The following NPNT variants were observed in gnomAD, a reference collection of about 807,000 sequenced individuals.
The protein encoded by NPNT is preosteoblast EGF-like repeat protein with MAM domain.
A neutral mutation model predicts 68.6 loss-of-function variants in NPNT; 45 were observed. That is an observed-to-expected ratio of 0.66 (90% CI 0.52 to 0.84). The LOEUF (loss-of-function observed/expected upper bound fraction) is 0.84, where lower values mean the gene tolerates loss of function less well. Ranked by LOEUF, NPNT falls within the 40% of genes least tolerant of loss-of-function variation. The pLI, the probability that NPNT is intolerant of heterozygous loss-of-function variation, is 0.00. For missense variants in NPNT, 672 were observed against 714.8 expected, an observed-to-expected ratio of 0.94 and a Z score of 0.68; for synonymous variants, 233 against 253.3, an observed-to-expected ratio of 0.92 and a Z score of 0.76.
rs558649860 is a variant in NPNT at position 105,896,213 on chromosome 4, C to G, written c.71+490C>G. Among the ~76,000 whole-genome samples, 4 of 152,086 alleles carry G rather than the reference C, an allele frequency of 2.6e-5. No individual in the cohort carries two copies. The South Asian group carries it at 8.3e-4, about 32-fold the overall frequency. ...TGGGTGCGAGTCAGCGACTGGGCTA[C>G]GGGGGAGATTTGTGGGCCTCTCCAT... On this transcript the variant is annotated intron_variant, in intron 1 of 11. Transcript: ENST00000379987.
At chr4:105,918,406 G>A (rs1412293472) in intron 2 of NPNT, among the ~76,000 whole-genome samples, 2 of 152,116 alleles carry the variant, frequency 1.3e-5, no homozygotes, top group Non-Finnish European at 1.5e-5. Context: ...CAAAATTACA[G>A]TATCAGATGT....
At chr4:105,899,763 G>A (rs1431942033) in intron 2 of NPNT, among the ~76,000 whole-genome samples, 1 of 152,214 alleles carries the variant, frequency 6.6e-6, no homozygotes, top group Non-Finnish European at 1.5e-5. Flanking sequence ...TGGTGAGGTT[G>A]TAAAAATTAG....
At chr4:105,952,670 C>A (rs1730924576) in intron 8 of NPNT, among the ~76,000 whole-genome samples, 1 of 152,196 alleles carries the variant, frequency 6.6e-6, no homozygotes, top group South Asian at 2.1e-4. Context: ...TTAGTTCAGA[C>A]CCTATTTTAA....
At chr4:105,960,380 C>T (rs1731626373) in intron 10 of NPNT, among the ~76,000 whole-genome samples, 1 of 152,154 alleles carries the variant, frequency 6.6e-6, no homozygotes, top group Non-Finnish European at 1.5e-5. Flanking sequence ...CAGCTGAGGG[C>T]CTCATTAAAA....
chr4:105,935,006 A>C (rs1258414134), intron 3 of NPNT, among the ~76,000 whole-genome samples: 1 of 152,210 alleles, frequency 6.6e-6, no homozygotes, highest in African/African-American at 2.4e-5. Context: ...CTTCAGGTTT[A>C]GTTCAGGGAC....
chr4:105,899,456 C>T (rs1413822664), intron 2 of NPNT, among the ~76,000 whole-genome samples: 2 of 152,096 alleles, frequency 1.3e-5, no homozygotes, highest in East Asian at 3.9e-4. Flanking sequence ...GATCATCTTC[C>T]CTTAAAACAA....
chr4:105,962,837 G>A (rs1315002607), intron 10 of NPNT, among the ~76,000 whole-genome samples: 2 of 151,504 alleles, frequency 1.3e-5, no homozygotes, highest in Admixed American at 6.6e-5. Flanking sequence ...AGGAAATTCA[G>A]GTGGATGGAG....
chr4:105,945,599 C>T (rs1306834976), intron 8 of NPNT, among the ~76,000 whole-genome samples: 1 of 152,166 alleles, frequency 6.6e-6, no homozygotes, highest in East Asian at 1.9e-4. Context: ...TTAGCTGTAC[C>T]TTCAAATTAT....
intron 2 of NPNT, chr4:105,898,240 AT>A (rs771171673): frequency 9.3e-5 from 30 of 322,182 alleles, no homozygotes; most frequent in Middle Eastern, 8.4e-4. Flanking sequence ...TTCTTTTAGC[AT>A]TTTTCCCCCC....
chr4:105,963,826 A>T (rs556978535), intron 10 of NPNT, among the ~76,000 whole-genome samples: 4 of 151,514 alleles, frequency 2.6e-5, no homozygotes, highest in Non-Finnish European at 5.9e-5. Context: ...AATACACATA[A>T]ATGTAAAATA....
At chr4:105,968,554 A>G (rs1264057211) in intron 11 of NPNT, among the ~76,000 whole-genome samples, 1 of 152,228 alleles carries the variant, frequency 6.6e-6, no homozygotes, top group East Asian at 1.9e-4. Context: ...TTGGCTCCTA[A>G]TATCTGTTCC....
rs757537584 is a variant in NPNT, at chr4:105,938,423, G to C, written c.505+3G>C. 5 of 1,612,364 alleles carry C rather than the reference G, an allele frequency of 3.1e-6. No homozygotes were observed. The South Asian group carries it at 5.5e-5, about 18-fold the overall frequency. On this transcript the variant is annotated splice_donor_region_variant and intron_variant, in intron 5 of 11. Transcript: ENST00000379987. ...TCCTGATGGGAGGACCTGTGTAGGT[G>C]AGTTGTAAAATCAAGCATCTCTGTC...
intron 2 of NPNT, among the ~76,000 whole-genome samples, chr4:105,923,909 G>T (rs1340613805): frequency 6.6e-6 from 1 of 152,034 alleles, no homozygotes; most frequent in Non-Finnish European, 1.5e-5. Context: ...AGAGATATTG[G>T]TAAGAATCCA....
At chr4:105,927,460 C>T (rs962000162) in intron 3 of NPNT, 32 bp downstream of exon 3, 1 of 1,283,218 alleles carries the variant, frequency 7.8e-7, no homozygotes, top group Non-Finnish European at 1.1e-6. Context: ...AATACACAAT[C>T]GAAGACACCT....
At chr4:105,963,053 C>G (rs1423064445) in intron 10 of NPNT, among the ~76,000 whole-genome samples, 1 of 151,892 alleles carries the variant, frequency 6.6e-6, no homozygotes, top group Non-Finnish European at 1.5e-5. Flanking sequence ...AGTGAAACCC[C>G]GTCTTTACTA....
At chr4:105,941,696 C>G (rs1385359724) in intron 7 of NPNT, among the ~76,000 whole-genome samples, 4 of 152,066 alleles carry the variant, frequency 2.6e-5, no homozygotes, top group Non-Finnish European at 5.9e-5. Flanking sequence ...ATGATCTTTG[C>G]AACCTCTGAA....
intron 2 of NPNT, chr4:105,912,048 AT>A (rs950361735): frequency 4.0e-4 from 260 of 646,546 alleles, no homozygotes; most frequent in Non-Finnish European, 4.6e-4. Context: ...CATGTCCTAG[AT>A]TTTTTTTTGT....
intron 3 of NPNT, among the ~76,000 whole-genome samples, chr4:105,936,677 A>G (rs1729519387): frequency 6.6e-6 from 1 of 152,182 alleles, no homozygotes; most frequent in African/African-American, 2.4e-5. Context: ...ATTGGCAAAC[A>G]GTTGTTAGCT....
chr4:105,966,670 A>AT (rs550640802), intron 10 of NPNT, among the ~76,000 whole-genome samples: 57 of 145,810 alleles, frequency 3.9e-4, no homozygotes, highest in East Asian at 1.0e-3. Flanking sequence ...ACGTTTAGAG[A>AT]TTTTTTTTTT....
Sources: allele counts gnomAD v4.1 joint callset (sites outside exome capture counted in the v4.1 genomes callset), GRCh38; gene constraint gnomAD v4.1.1; transcripts MANE v1.5; gene names NCBI Gene and HGNC (gene_info 2026-07-23, HGNC 2026-07-21).